IL36RN: variants seen among roughly 807,000 people sequenced by gnomAD.
The protein encoded by IL36RN is interleukin 36 receptor antagonist.
A neutral mutation model predicts 13.0 loss-of-function variants in IL36RN; 11 were observed. The observed-to-expected ratio is 0.85, with a 90% CI of 0.53 to 1.40. IL36RN has a LOEUF of 1.40. IL36RN is among the 40% of genes most tolerant of loss of function. IL36RN has a pLI of 0.00. For missense variants in IL36RN, 195 were observed against 195.3 expected, an observed-to-expected ratio of 1.00 and a Z score of 0.01; for synonymous variants, 94 against 84.1, an observed-to-expected ratio of 1.12 and a Z score of -0.64.
chr2:113,060,938 G>A lies in IL36RN; in HGVS notation c.115+1G>A, dbSNP rs1173603200. ...CTGCATGCAGGGAAGGTCATTAAAG[G>A]TTGGTGATGAAACATGACCCACTTT... On this transcript the variant is annotated splice_donor_variant, in intron 3 of 4. Coordinates refer to ENST00000393200, the MANE Select transcript of IL36RN (RefSeq NM_012275.3). LOFTEE classifies it high-confidence loss of function. 2 of 1,612,874 alleles carry A rather than the reference G, an allele frequency of 1.2e-6. No homozygotes were observed. Among genetic ancestry groups the A allele is most frequent in the African/African-American group, 1.3e-5 (1 of 75,030 alleles).
Position 113,063,455 on chromosome 2 carries a change from A to G in IL36RN, c.*778A>G, listed in dbSNP as rs1685685863. On this transcript the variant is annotated 3_prime_UTR_variant, in exon 5 of 5. Transcript: ENST00000393200. ...CCTATTTATATATTTCTTTATAGAA[A>G]AAAGTCTGGAAGAGTTTACTTCAAT... 6.6e-6 allele frequency: 1 copy of G among 152,230 alleles called. No individual in the cohort carries two copies. The allele number at this position is 152,230 out of a possible 1,614,324, so 9.4% of individuals were successfully genotyped here.
chr2:113,062,919 G>A lies in IL36RN; in HGVS notation c.*242G>A. 2 of 540,644 alleles carry A rather than the reference G, an allele frequency of 3.7e-6. No homozygotes were observed. Among genetic ancestry groups the A allele is most frequent in the South Asian group, 2.0e-5 (1 of 49,974 alleles). The allele number at this position is 540,644 out of a possible 1,614,324, so 33.5% of individuals were successfully genotyped here. Reference sequence around the variant, plus strand: ...TGGAATCTTGTAAAAACCATGTGGGGTAAACTGGGAATAACATGAAAAGAT... The same window carrying A: ...TGGAATCTTGTAAAAACCATGTGGGATAAACTGGGAATAACATGAAAAGAT... On this transcript the variant is annotated 3_prime_UTR_variant, in exon 5 of 5. Transcript: ENST00000393200.
intron 3 of IL36RN, 36 bp from the exon 4 acceptor site, chr2:113,062,088 G>A (rs910808463): frequency 6.2e-6 from 10 of 1,609,804 alleles, no homozygotes; most frequent in East Asian, 2.2e-5. Flanking sequence ...GGAGGGAAAG[G>A]CATCCAGGGC....
rs994974881 is a variant in IL36RN at position 113,063,019 on chromosome 2, C to T, written c.*342C>T. ...GTAACTGACCAGTGTTACCCTGAGC[C>T]CCGCAGGCCAACCCATCCCCAGTTG... On this transcript the variant is annotated 3_prime_UTR_variant, in exon 5 of 5. Transcript: ENST00000393200. 6 of 375,440 alleles carry T rather than the reference C, an allele frequency of 1.6e-5. No homozygotes were observed. Among genetic ancestry groups the T allele is most frequent in the Non-Finnish European group, 3.1e-5 (6 of 194,156 alleles). 23.3% of individuals were successfully genotyped at this position (375,440 alleles called of 1,614,324 possible).
rs964838303 is a variant in IL36RN at position 113,062,752 on chromosome 2, C to A, written c.*75C>A. 2.1e-5 allele frequency: 27 copies of A among 1,283,042 alleles called. No individual in the cohort carries two copies. Among genetic ancestry groups the A allele is most frequent in the Admixed American group, 7.6e-5 (4 of 52,670 alleles). 79.5% of individuals were successfully genotyped at this position (1,283,042 alleles called of 1,614,324 possible). On this transcript the variant is annotated 3_prime_UTR_variant, in exon 5 of 5. Coordinates refer to ENST00000393200, the MANE Select transcript of IL36RN (RefSeq NM_012275.3). ...GTGAGTGGAGGAGACCCATGGCGGA[C>A]AATCACTCTCTCTGCTCTCAGGACC...
At position 113,062,518 on chromosome 2, in the gene IL36RN, G is replaced by A. The variant is rs149664037; in HGVS notation, c.309G>A (p.Arg103=). ...CCAAGAGCTTCACCTTCTACCGGCG[G>A]GACATGGGGCTCACCTCCAGCTTCG... ...KESKSFTFYR[R]DMGLTSSFES... The change falls in exon 5 of 5, where the codon CGG becomes CGA. Residue 103 remains arginine, a synonymous_variant. Coordinates refer to ENST00000393200, the MANE Select transcript of IL36RN (RefSeq NM_012275.3). 6.2e-7 allele frequency: 1 copy of A among 1,614,128 alleles called. No homozygotes were observed. Among genetic ancestry groups the A allele is most frequent in the East Asian group, 2.2e-5 (1 of 44,880 alleles).
At chr2:113,059,055 C>T (rs1014720193), upstream of IL36RN, 6 of 309,182 alleles carry the variant, frequency 1.9e-5, no homozygotes, top group South Asian at 3.6e-5. Flanking sequence ...TCCCTCCCCA[C>T]GACAGATAAT....
In IL36RN at chr2:113,062,245, A is replaced by C; in HGVS notation, c.237A>C (p.Thr79=). Residue 79 remains threonine (T), a synonymous_variant, in exon 4 of 5, where the codon ACA becomes ACC. Coordinates refer to ENST00000393200, the MANE Select transcript of IL36RN (RefSeq NM_012275.3). ...SCGVGQEPTL[T]LEPVNIMELY... ...GGGTGGGGCAGGAGCCGACTCTAAC[A>C]CTAGAGGTGAGACTTGGGGCATCCT... The C allele has an allele frequency of 5.6e-6, 9 of 1,613,954 alleles. No homozygotes were observed. Among genetic ancestry groups the C allele is most frequent in the Non-Finnish European group, 5.9e-6 (7 of 1,179,938 alleles).
rs560962186 is a variant in IL36RN at position 113,063,234 on chromosome 2, G to A, written c.*557G>A. 1.1e-4 allele frequency: 19 copies of A among 174,430 alleles called. No individual in the cohort carries two copies. The highest frequency in any genetic ancestry group is 3.1e-4 in the African/African-American group (13 of 42,170). 10.8% of individuals were successfully genotyped at this position (174,430 alleles called of 1,614,324 possible). A position where few individuals can be genotyped will look rare whatever the true frequency, so the allele number is the denominator to read the frequency against. ...ATCATCTTGTTGTGGGCATGAGGAG[G>A]TGCTGATGTCAGAAGAAATGGCTCG... On this transcript the variant is annotated 3_prime_UTR_variant, in exon 5 of 5. Coordinates refer to ENST00000393200, the MANE Select transcript of IL36RN (RefSeq NM_012275.3).
At chr2:113,061,484 C>T (rs1320708261) in intron 3 of IL36RN, among the ~76,000 whole-genome samples, 1 of 152,106 alleles carries the variant, frequency 6.6e-6, no homozygotes, top group African/African-American at 2.4e-5. Context: ...TTGCTGAGCA[C>T]AGATGCCAGG....
intron 2 of IL36RN, 89 bp from the exon 3 acceptor site, chr2:113,060,763 C>T (rs1685625356): frequency 2.3e-6 from 2 of 887,522 alleles, no homozygotes; most frequent in African/African-American, 1.6e-5. Flanking sequence ...AGACAAAATG[C>T]CTGAGATCAG....
Position 113,060,927 on chromosome 2 carries a change from G to A in IL36RN, c.105G>A (p.Lys35=). ...TAGCTGGAGGGCTGCATGCAGGGAA[G>A]GTCATTAAAGGTTGGTGATGAAACA... ...QLLAGGLHAG[K]VIKGEEISVV... is the part of the protein sequence containing the mutation. Residue 35 remains lysine, a synonymous_variant, in exon 3 of 5, where the codon AAG becomes AAA. Coordinates refer to ENST00000393200, the MANE Select transcript of IL36RN (RefSeq NM_012275.3). 1 of 1,613,622 alleles carries A rather than the reference G, an allele frequency of 6.2e-7. No homozygotes were observed. Among genetic ancestry groups the A allele is most frequent in the Non-Finnish European group, 8.5e-7 (1 of 1,179,536 alleles).
chr2:113,059,630 T>TTC (rs1380937434), intron 2 of IL36RN, among the ~76,000 whole-genome samples, 163 bp downstream of exon 2: 2 of 152,060 alleles, frequency 1.3e-5, no homozygotes, highest in Non-Finnish European at 2.9e-5. Flanking sequence ...CCCAGCCTTT[T>TTC]TCAAATAGGG....
intron 2 of IL36RN, 77 bp from the exon 3 acceptor site, chr2:113,060,775 G>T: frequency 1.0e-6 from 1 of 983,924 alleles, no homozygotes; most frequent in East Asian, 2.4e-5. Flanking sequence ...TGAGATCAGG[G>T]GGTTCTCTGG....
Position 113,062,549 on chromosome 2 carries a change from G to A in IL36RN, c.340G>A (p.Ala114Thr). 1 of 1,614,018 alleles carries A rather than the reference G, an allele frequency of 6.2e-7. No individual in the cohort carries two copies. Among genetic ancestry groups the A allele is most frequent in the Non-Finnish European group, 8.5e-7 (1 of 1,180,014 alleles). ...DMGLTSSFES[A>T]AYPGWFLCTV... is the part of the protein sequence containing the mutation. ...GGGGCTCACCTCCAGCTTCGAGTCG[G>A]CTGCCTACCCGGGCTGGTTCCTGTG... is the stretch of plus-strand genomic sequence containing the variant. Residue 114 changes from alanine (A) to threonine (T), a missense_variant, in exon 5 of 5, where the codon GCT (alanine) becomes ACT (threonine). Physicochemically the swap from Ala to Thr is moderately conservative, Grantham distance 58. Transcript: ENST00000393200.
upstream of IL36RN, chr2:113,059,167 A>C: frequency 1.9e-6 from 1 of 539,272 alleles, no homozygotes. Context: ...CCTAGGCCTT[A>C]CTTAAAAGGC....
intron 3 of IL36RN, among the ~76,000 whole-genome samples, chr2:113,061,656 A>G (rs1018072707): frequency 1.3e-5 from 2 of 152,020 alleles, no homozygotes; most frequent in East Asian, 3.9e-4. Flanking sequence ...GTGTATATGT[A>G]TATGTGTGCA....
upstream of IL36RN, among the ~76,000 whole-genome samples, chr2:113,058,906 C>T (rs757616685): frequency 1.4e-4 from 21 of 152,008 alleles, no homozygotes; most frequent in Non-Finnish European, 2.1e-4. Context: ...AAGAAAGTCG[C>T]GCTTCCCTTG....
chr2:113,062,641 C>A lies in IL36RN; in HGVS notation c.432C>A (p.Ala144=). 1 of 1,612,836 alleles carries A rather than the reference C, an allele frequency of 6.2e-7. No homozygotes were observed. The highest frequency in any genetic ancestry group is 8.5e-7 in the Non-Finnish European group (1 of 1,180,018). ...TTCCCGAGAATGGTGGCTGGAATGC[C>A]CCCATCACAGACTTCTACTTCCAGC... ...TQLPENGGWN[A]PITDFYFQQC... is the part of the protein sequence containing the mutation. Residue 144 remains alanine (A), a synonymous_variant, in exon 5 of 5, where the codon GCC becomes GCA. Transcript: ENST00000393200.
Sources: allele counts gnomAD v4.1 joint callset (sites outside exome capture counted in the v4.1 genomes callset), GRCh38; gene constraint gnomAD v4.1.1; transcripts MANE v1.5; gene names NCBI Gene and HGNC (gene_info 2026-07-23, HGNC 2026-07-21).